MYO5B: variants seen among roughly 807,000 people sequenced by gnomAD.
The protein encoded by MYO5B is unconventional myosin-Vb.
A neutral mutation model predicts 229.3 loss-of-function variants in MYO5B; 143 were observed. The observed-to-expected ratio is 0.62, with a 90% CI of 0.54 to 0.72. The LOEUF (loss-of-function observed/expected upper bound fraction) is 0.72. MYO5B is among the 30% of genes least tolerant of loss of function. MYO5B has a pLI of 0.00. For missense variants in MYO5B, 2,321 were observed against 2,331.0 expected (o/e 1.00, Z 0.09); for synonymous variants, 918 against 885.2 (o/e 1.04, Z -0.66).
intron 1 of MYO5B, among the ~76,000 whole-genome samples, chr18:50,159,371 C>T (rs1320142290): frequency 6.6e-6 from 1 of 152,200 alleles, no homozygotes; most frequent in Non-Finnish European, 1.5e-5. Context: ...TACCAATCCC[C>T]TGGCATGTTC....
chr18:49,918,834 T>C (rs1033120194), intron 17 of MYO5B, among the ~76,000 whole-genome samples: 2 of 152,192 alleles, frequency 1.3e-5, no homozygotes, highest in African/African-American at 4.8e-5. Context: ...GAGAAATAGA[T>C]GATTCTGGAT....
intron 4 of MYO5B, 144 bp downstream of exon 4, chr18:50,036,706 A>C: frequency 1.1e-6 from 1 of 916,092 alleles, no homozygotes. Context: ...TAGGCAGTAG[A>C]ACTTGGGCTG....
chr18:49,881,216 C>T (rs2024582181), intron 22 of MYO5B, among the ~76,000 whole-genome samples: 1 of 152,188 alleles, frequency 6.6e-6, no homozygotes, highest in Admixed American at 6.5e-5. Flanking sequence ...GTTTGCCTGT[C>T]TTGCTAAATT....
intron 32 of MYO5B, 141 bp downstream of exon 32, chr18:49,849,426 T>C: frequency 1.3e-6 from 1 of 772,102 alleles, no homozygotes; most frequent in Non-Finnish European, 2.4e-6. Flanking sequence ...CCAACTTCTA[T>C]CGCCTGGCTG....
At position 49,902,591 on chromosome 18, in the gene MYO5B, G is replaced by T; in HGVS notation, c.2811+3C>A. 6.2e-7 allele frequency: 1 copy of T among 1,611,364 alleles called. No homozygotes were observed. Among genetic ancestry groups the T allele is most frequent in the South Asian group, 1.1e-5 (1 of 91,036 alleles). The stretch of plus-strand genomic sequence containing the variant: ...ACCCAGGTAGGGAGCTGCAGACACT[G>T]ACCTGCTCATCGATCTTCCGCTGCA... On this transcript the variant is annotated splice_donor_region_variant and intron_variant, in intron 21 of 39. Coordinates refer to ENST00000285039, the MANE Select transcript of MYO5B (RefSeq NM_001080467.3).
intron 3 of MYO5B, among the ~76,000 whole-genome samples, chr18:50,038,518 A>G (rs2029905198): frequency 1.3e-5 from 2 of 152,240 alleles, no homozygotes; most frequent in South Asian, 4.1e-4. Flanking sequence ...TCTTAGGAAC[A>G]GCCTCACATG....
At chr18:50,045,095 C>T (rs543738186) in intron 2 of MYO5B, among the ~76,000 whole-genome samples, 13 of 152,256 alleles carry the variant, frequency 8.5e-5, no homozygotes, top group African/African-American at 2.9e-4. Context: ...TGAAGATAGG[C>T]TGGTAATTGA....
intron 21 of MYO5B, among the ~76,000 whole-genome samples, chr18:49,898,817 G>T (rs188664863): frequency 3.3e-5 from 5 of 152,140 alleles, no homozygotes; most frequent in Non-Finnish European, 5.9e-5. Flanking sequence ...GGATATGAAT[G>T]TTGGGTGCTA....
chr18:50,134,037 T>C (rs1161179458), intron 1 of MYO5B, among the ~76,000 whole-genome samples: 1 of 152,124 alleles, frequency 6.6e-6, no homozygotes, highest in East Asian at 1.9e-4. Context: ...TATATAGATA[T>C]AGAGTATCTC....
At chr18:50,113,904 G>A (rs1003440280) in intron 1 of MYO5B, among the ~76,000 whole-genome samples, 1 of 152,184 alleles carries the variant, frequency 6.6e-6, no homozygotes, top group Non-Finnish European at 1.5e-5. Context: ...TTGAAAAAGA[G>A]AACACACAAT....
At position 50,186,537 on chromosome 18, in the gene MYO5B, T is replaced by C. The variant is rs77532086; in HGVS notation, c.27+8230A>G. ...CTACCGCTCTCATAGTTCATGTTTGTAGCAATCCTACTTCCTCTTTCACCA... is the reference window on the plus strand; with the variant it reads ...CTACCGCTCTCATAGTTCATGTTTGCAGCAATCCTACTTCCTCTTTCACCA... On this transcript the variant is annotated intron_variant, in intron 1 of 39. Transcript: ENST00000285039. Among the ~76,000 whole-genome samples the C allele has an allele frequency of 8.4e-3, 1,273 of 152,272 alleles. 19 individuals are homozygous for C. The highest frequency in any genetic ancestry group is 0.029 in the African/African-American group (1,194 of 41,540).
Position 49,841,403 on chromosome 18 carries a change from G to T in MYO5B, c.4663C>A (p.Arg1555Ser). 6.2e-7 allele frequency: 1 copy of T among 1,614,210 alleles called. No individual in the cohort carries two copies. The highest frequency in any genetic ancestry group is 8.5e-7 in the Non-Finnish European group (1 of 1,180,038). Residue 1555 changes from arginine to serine, a missense_variant, in exon 35 of 40, where the codon CGC becomes AGC. Coordinates refer to ENST00000285039, the MANE Select transcript of MYO5B (RefSeq NM_001080467.3). ...TACTGCTTCAGACAGTGAAGAAGGCGGCAGGTGTTGGATAACCAGAATGAC... is the reference window on the plus strand; with the variant it reads ...TACTGCTTCAGACAGTGAAGAAGGCTGCAGGTGTTGGATAACCAGAATGAC... ...MTSFWLSNTC[R>S]LLHCLKQYSG...
chr18:49,914,949 G>A (rs911256651), intron 17 of MYO5B, among the ~76,000 whole-genome samples: 8 of 152,080 alleles, frequency 5.3e-5, no homozygotes, highest in Admixed American at 4.6e-4. Flanking sequence ...GGGTTCCTAG[G>A]AGGACTTGTT....
chr18:50,099,810 G>A lies in MYO5B; in HGVS notation c.28-44432C>T, dbSNP rs192466112. On this transcript the variant is annotated intron_variant, in intron 1 of 39. Transcript: ENST00000285039. Reference sequence around the variant, plus strand: ...TCCCCCTGTAAAGCCAACTGGCTTCGTTGATGCCAATGGGCACCTGACATT... The same window carrying A: ...TCCCCCTGTAAAGCCAACTGGCTTCATTGATGCCAATGGGCACCTGACATT... 4.4e-4 allele frequency among the ~76,000 whole-genome samples: 67 copies of A among 152,294 alleles called. 1 individual carries two copies. The highest frequency in any genetic ancestry group is 1.4e-3 in the African/African-American group (57 of 41,568).
chr18:49,942,082 G>A (rs1411453023), intron 14 of MYO5B, among the ~76,000 whole-genome samples: 2 of 144,790 alleles, frequency 1.4e-5, no homozygotes, highest in African/African-American at 2.6e-5. Context: ...AACAAGCAAC[G>A]GGGAAAGGAT....
intron 5 of MYO5B, among the ~76,000 whole-genome samples, chr18:49,994,727 C>A (rs1283139049): frequency 6.6e-6 from 1 of 152,226 alleles, no homozygotes; most frequent in African/African-American, 2.4e-5. Flanking sequence ...GTCATCTTAG[C>A]AGAGGCCTCA....
In MYO5B at chr18:49,849,602, A is replaced by G. The variant is rs761493949; in HGVS notation, c.4280T>C (p.Leu1427Pro). The G allele has an allele frequency of 2.5e-6, 4 of 1,613,510 alleles. No homozygotes were observed. The highest frequency in any genetic ancestry group is 3.5e-4 in the Middle Eastern group (2 of 5,640). Residue 1427 changes from leucine (L) to proline (P), a missense_variant, in exon 32 of 40, where the codon CTG (leucine) becomes CCG (proline). Leu to Pro is a moderately conservative substitution (Grantham distance 98, BLOSUM62 -3). Coordinates refer to ENST00000285039, the MANE Select transcript of MYO5B (RefSeq NM_001080467.3). ...EKNERKLKKQ[L>P]KIYMKKAQDL... The stretch of plus-strand genomic sequence containing the variant: ...CTGGGCTTTCTTCATGTAAATCTTC[A>G]GTTGCTTTTTGAGCTTCCTCTCATT...
At chr18:49,842,297 C>T (rs935169183) in intron 34 of MYO5B, among the ~76,000 whole-genome samples, 15 of 152,074 alleles carry the variant, frequency 9.9e-5, no homozygotes, top group Non-Finnish European at 1.2e-4. Flanking sequence ...CTGAGAGCCA[C>T]GAGCATGCAG....
chr18:50,149,157 A>G (rs2032553073), intron 1 of MYO5B, among the ~76,000 whole-genome samples: 1 of 152,246 alleles, frequency 6.6e-6, no homozygotes, highest in South Asian at 2.1e-4. Flanking sequence ...AAGGAGAACT[A>G]CAAACCACTG....
Sources: gnomAD v4.1 joint callset for allele counts (sites outside exome capture counted in the v4.1 genomes callset) on GRCh38, gnomAD v4.1.1 for gene constraint, MANE v1.5 for transcripts, NCBI Gene and HGNC (gene_info 2026-07-23, HGNC 2026-07-21) for gene names.